Variants in CTNNA3 observed in about 807,000 individuals in gnomAD.
The protein encoded by CTNNA3 is catenin alpha-3.
A neutral mutation model predicts 95.7 loss-of-function variants in CTNNA3; 76 were observed. That is an observed-to-expected ratio of 0.79 (90% CI 0.66 to 0.96). CTNNA3 has a LOEUF of 0.96. Among genes scored for constraint, CTNNA3 ranks in the 40% least tolerant of loss-of-function variants. The pLI is 0.00. For missense variants in CTNNA3, 1,191 were observed against 1,089.8 expected (o/e 1.09, Z -1.31); for synonymous variants, 431 against 374.4 (o/e 1.15, Z -1.74).
chr10:66,069,225 A>G, intron 15 of CTNNA3, 83 bp downstream of exon 15: 5 of 1,372,114 alleles, frequency 3.6e-6, no homozygotes, highest in Non-Finnish European at 3.1e-6. Context: ...GGCACTTGAC[A>G]CTCAGAGAAT....
chr10:66,650,166 C>T, intron 9 of CTNNA3, among the ~76,000 whole-genome samples: 1 of 152,274 alleles, frequency 6.6e-6, no homozygotes, highest in Non-Finnish European at 1.5e-5. Context: ...TTTTCTCAAA[C>T]ACACACAGAA....
intron 3 of CTNNA3, among the ~76,000 whole-genome samples, chr10:67,557,713 G>C (rs1282082257): frequency 1.3e-5 from 2 of 152,110 alleles, no homozygotes; most frequent in African/African-American, 4.8e-5. Context: ...AGGGTTATTG[G>C]GTTGTTTACA....
intron 5 of CTNNA3, among the ~76,000 whole-genome samples, chr10:67,291,014 T>C (rs760292283): frequency 2.6e-5 from 4 of 152,068 alleles, no homozygotes; most frequent in Non-Finnish European, 4.4e-5. Context: ...TTACAGATGA[T>C]AGAAAAACAT....
At chr10:66,135,319 G>A (rs1196796621) in intron 13 of CTNNA3, among the ~76,000 whole-genome samples, 1 of 151,932 alleles carries the variant, frequency 6.6e-6, no homozygotes, top group African/African-American at 2.4e-5. Context: ...TGGGCGAGAA[G>A]GCAAAAAAAC....
At chr10:66,517,831 C>A (rs532449888) in intron 11 of CTNNA3, among the ~76,000 whole-genome samples, 1 of 152,216 alleles carries the variant, frequency 6.6e-6, no homozygotes, top group South Asian at 2.1e-4. Context: ...CCAACCAGGG[C>A]AACCAAAATG....
chr10:65,985,757 A>G (rs1039720390), intron 16 of CTNNA3, among the ~76,000 whole-genome samples: 3 of 151,572 alleles, frequency 2.0e-5, no homozygotes, highest in African/African-American at 7.2e-5. Context: ...TTCAACATAG[A>G]ACTGAATGGC....
chr10:66,432,253 C>T (rs144216001), intron 11 of CTNNA3, among the ~76,000 whole-genome samples: 1 of 152,116 alleles, frequency 6.6e-6, no homozygotes, highest in African/African-American at 2.4e-5. Context: ...CTAACCTACT[C>T]ATCCAGAAGA....
chr10:66,339,986 CA>C (rs1564880596), intron 12 of CTNNA3, among the ~76,000 whole-genome samples: 1 of 151,670 alleles, frequency 6.6e-6, no homozygotes, highest in Non-Finnish European at 1.5e-5. Context: ...AGACATCCCT[CA>C]TGCATGATAC....
Position 67,418,200 on chromosome 10 carries a change from C to A in CTNNA3, c.579+103642G>T, listed in dbSNP as rs183073122. ...GAGAAAGTTATTAACAGTAACATGA[C>A]AATAAATATCATATGGAAAAGTTTC... On this transcript the variant is annotated intron_variant, in intron 5 of 17. Coordinates refer to ENST00000433211, the MANE Select transcript of CTNNA3 (RefSeq NM_013266.4). 7.9e-5 allele frequency among the ~76,000 whole-genome samples: 12 copies of A among 152,232 alleles called. No individual in the cohort carries two copies. In the East Asian group the frequency reaches 2.3e-3, roughly 29 times the overall value.
chr10:66,437,345 T>C (rs1481550498), intron 11 of CTNNA3, among the ~76,000 whole-genome samples: 1 of 152,200 alleles, frequency 6.6e-6, no homozygotes, highest in African/African-American at 2.4e-5. Flanking sequence ...AGTTTGGTCT[T>C]TTCACATAGT....
At chr10:67,359,366 C>T (rs1842921841) in intron 5 of CTNNA3, among the ~76,000 whole-genome samples, 1 of 151,962 alleles carries the variant, frequency 6.6e-6, no homozygotes, top group African/African-American at 2.4e-5. Flanking sequence ...ACACTACCTA[C>T]CCAGCAATAC....
At chr10:67,204,017 A>G (rs1028460977) in intron 6 of CTNNA3, among the ~76,000 whole-genome samples, 78 of 152,296 alleles carry the variant, frequency 5.1e-4, no homozygotes, top group African/African-American at 1.9e-3. Flanking sequence ...AAGGAGTGAT[A>G]TTAGCCCTCT....
intron 7 of CTNNA3, among the ~76,000 whole-genome samples, chr10:66,886,648 C>T (rs1845056327): frequency 6.6e-6 from 1 of 152,186 alleles, no homozygotes; most frequent in South Asian, 2.1e-4. Flanking sequence ...ATAGCCTTAA[C>T]AAGTGCTAGT....
intron 5 of CTNNA3, among the ~76,000 whole-genome samples, chr10:67,227,853 G>C (rs149885721): frequency 0.01 from 1,565 of 152,176 alleles, 16 homozygotes; most frequent in African/African-American, 0.024. Context: ...CACTCTCTCA[G>C]ACCACAGTGG....
chr10:66,968,350 A>G (rs1377134187), intron 7 of CTNNA3, among the ~76,000 whole-genome samples: 1 of 149,896 alleles, frequency 6.7e-6, no homozygotes, highest in Non-Finnish European at 1.5e-5. Flanking sequence ...TAAATATTAT[A>G]TATATATATA....
At chr10:67,501,350 T>C (rs1209893900) in intron 5 of CTNNA3, among the ~76,000 whole-genome samples, 1 of 152,236 alleles carries the variant, frequency 6.6e-6, no homozygotes, top group Non-Finnish European at 1.5e-5. Context: ...TCTGATGGGC[T>C]TCCCTTTGCG....
intron 12 of CTNNA3, among the ~76,000 whole-genome samples, chr10:66,336,832 A>AG (rs1163996039): frequency 2.0e-5 from 3 of 152,058 alleles, no homozygotes; most frequent in Non-Finnish European, 2.9e-5. Flanking sequence ...CAGGGCCTCC[A>AG]GGGGGGCCTT....
chr10:67,263,076 A>T, intron 5 of CTNNA3, among the ~76,000 whole-genome samples: 1 of 152,214 alleles, frequency 6.6e-6, no homozygotes. Flanking sequence ...AAGTCTCTAC[A>T]GGTTAGCAGG....
intron 3 of CTNNA3, among the ~76,000 whole-genome samples, chr10:67,563,955 A>G (rs1841646254): frequency 6.7e-6 from 1 of 149,146 alleles, no homozygotes; most frequent in Non-Finnish European, 1.5e-5. Flanking sequence ...ACCATCTCAC[A>G]CCAGTTAGAA....
Sources: allele counts gnomAD v4.1 joint callset (sites outside exome capture counted in the v4.1 genomes callset), GRCh38; gene constraint gnomAD v4.1.1; transcripts MANE v1.5; gene names NCBI Gene and HGNC (gene_info 2026-07-23, HGNC 2026-07-21).